The following SVOPL variants were observed in gnomAD, a reference collection of about 807,000 sequenced individuals.
SVOPL encodes SVOP like, also known as putative transporter SVOPL.
Under a neutral mutation model 61.0 loss-of-function variants are expected in SVOPL, and 60 were observed. That is an observed-to-expected ratio of 0.98 (90% confidence interval 0.80 to 1.22). SVOPL has a LOEUF of 1.22. Ranked by LOEUF, SVOPL falls within the 50% of genes most tolerant of loss-of-function variation. SVOPL has a pLI of 0.00. For missense variants in SVOPL, 662 were observed against 643.9 expected (o/e 1.03, Z -0.30); for synonymous variants, 279 against 250.0 (o/e 1.12, Z -1.09).
rs551835819 is a variant in SVOPL, at chr7:138,645,515, A to AT, written c.661-671dup. Among the ~76,000 whole-genome samples the AT allele has an allele frequency of 1.2e-3, 181 of 151,928 alleles. 1 individual carries two copies. The highest frequency in any genetic ancestry group is 4.1e-3 in the African/African-American group (168 of 41,428). On this transcript the variant is annotated intron_variant, in intron 8 of 15. Coordinates refer to ENST00000674285, the MANE Select transcript of SVOPL (RefSeq NM_001139456.2). ...CCCCTGTTGGTTATTCTGACACTTG[A>AT]TTTTCCAGCCTTTTTCCTCTTGCCT...
At chr7:138,663,526 C>T in intron 4 of SVOPL, 1 of 1,011,378 alleles carries the variant, frequency 9.9e-7, no homozygotes, top group Middle Eastern at 4.9e-4. Flanking sequence ...AAGCAGTCTC[C>T]CTTTATGTTA....
intron 1 of SVOPL, among the ~76,000 whole-genome samples, chr7:138,700,050 T>C (rs1333285225): frequency 6.6e-6 from 1 of 152,186 alleles, no homozygotes; most frequent in East Asian, 1.9e-4. Context: ...CAGGAGATTA[T>C]CAGGATTGTA....
chr7:138,653,166 G>A (rs756665796), intron 7 of SVOPL, among the ~76,000 whole-genome samples: 24 of 152,284 alleles, frequency 1.6e-4, no homozygotes, highest in Non-Finnish European at 3.1e-4. Flanking sequence ...GGGTTGGCTC[G>A]TGAGGTTTAA....
chr7:138,632,587 A>G (rs1387453496), intron 9 of SVOPL, among the ~76,000 whole-genome samples: 7 of 151,956 alleles, frequency 4.6e-5, no homozygotes, highest in Admixed American at 3.3e-4. Context: ...GGGATGGAGA[A>G]GGTGGAGGGA....
intron 9 of SVOPL, among the ~76,000 whole-genome samples, chr7:138,642,272 A>G (rs1450945209): frequency 7.1e-6 from 1 of 141,774 alleles, no homozygotes; most frequent in Non-Finnish European, 1.5e-5. Context: ...CAAAGAAAAT[A>G]AAACGGAAAT....
At position 138,644,027 on chromosome 7, in the gene SVOPL, C is replaced by A. The variant is rs1316568697; in HGVS notation, c.789+690G>T. Among the ~76,000 whole-genome samples the A allele has an allele frequency of 2.0e-5, 3 of 151,746 alleles. No homozygotes were observed. The East Asian group carries it at 5.8e-4, about 29-fold the overall frequency. ...GACCATCCTGGCCAACATGGTGAAA[C>A]CCTGTCTCTACTAAAAACACAAAAA... On this transcript the variant is annotated intron_variant, in intron 9 of 15. Transcript: ENST00000674285.
chr7:138,628,431 A>T, intron 10 of SVOPL, 68 bp from the exon 11 acceptor site: 1 of 1,514,976 alleles, frequency 6.6e-7, no homozygotes. Flanking sequence ...TGGGGAGGGG[A>T]TACCAAGTGG....
chr7:138,684,257 C>T lies in SVOPL; in HGVS notation c.-34-5178G>A, dbSNP rs185527715. Reference sequence around the variant, plus strand: ...GTGGGTGCCTGTAATCCCAGCTACTCGGGAGGCTGAGGCGGGAGAATCACT... The same window carrying T: ...GTGGGTGCCTGTAATCCCAGCTACTTGGGAGGCTGAGGCGGGAGAATCACT... On this transcript the variant is annotated intron_variant, in intron 1 of 15. Transcript: ENST00000674285. 8.0e-5 allele frequency among the ~76,000 whole-genome samples: 12 copies of T among 150,612 alleles called. No individual in the cohort carries two copies. The East Asian group carries it at 2.2e-3, about 27-fold the overall frequency.
intron 9 of SVOPL, among the ~76,000 whole-genome samples, chr7:138,640,802 T>C (rs545529001): frequency 7.9e-4 from 120 of 152,170 alleles, no homozygotes; most frequent in African/African-American, 2.6e-3. Context: ...AAACTAACTA[T>C]TGGGTACTAT....
chr7:138,650,996 C>T (rs1801405308), intron 7 of SVOPL, among the ~76,000 whole-genome samples: 1 of 150,598 alleles, frequency 6.6e-6, no homozygotes, highest in South Asian at 2.1e-4. Context: ...CCTAGACTGA[C>T]CTGTCTTCTG....
intron 14 of SVOPL, 70 bp from the exon 15 acceptor site, chr7:138,596,600 G>A (rs1798293067): frequency 1.3e-6 from 2 of 1,554,790 alleles, no homozygotes; most frequent in East Asian, 2.3e-5. Flanking sequence ...TTATGTGAAA[G>A]AGAAAATACA....
intron 7 of SVOPL, among the ~76,000 whole-genome samples, chr7:138,651,699 TG>T (rs1801442311): frequency 6.6e-6 from 1 of 152,160 alleles, no homozygotes; most frequent in South Asian, 2.1e-4. Context: ...TTTCATTGTT[TG>T]GGGGCACCGC....
Position 138,649,001 on chromosome 7 carries a change from T to G in SVOPL, c.660+11A>C. Reference sequence around the variant, plus strand: ...GGAGGGGACAGGAAGGAGCCACAAGTGCTTCCCCACCTTGAAGGCCACGAT... The same window carrying G: ...GGAGGGGACAGGAAGGAGCCACAAGGGCTTCCCCACCTTGAAGGCCACGAT... On this transcript the variant is annotated intron_variant, in intron 8 of 15. Coordinates refer to ENST00000674285, the MANE Select transcript of SVOPL (RefSeq NM_001139456.2). 6.2e-7 allele frequency: 1 copy of G among 1,613,590 alleles called. No homozygotes were observed. Among genetic ancestry groups the G allele is most frequent in the Non-Finnish European group, 8.5e-7 (1 of 1,179,808 alleles).
chr7:138,646,385 AG>A (rs1008374866), intron 8 of SVOPL: 2 of 190,964 alleles, frequency 1.0e-5, no homozygotes, highest in African/African-American at 4.7e-5. Context: ...ATGTGGCCAA[AG>A]GAACAACTCC....
chr7:138,678,410 T>C (rs903637699), intron 3 of SVOPL, 24 bp downstream of exon 3: 1 of 1,545,430 alleles, frequency 6.5e-7, no homozygotes, highest in South Asian at 1.2e-5. Context: ...ACACTTTTCG[T>C]CAACATCTCG....
intron 13 of SVOPL, among the ~76,000 whole-genome samples, chr7:138,623,960 C>G (rs1799787007): frequency 6.6e-6 from 1 of 152,106 alleles, no homozygotes. Context: ...GCTGGGATTA[C>G]AGGCACCTGC....
At chr7:138,660,902 CTT>C (rs926162295) in intron 5 of SVOPL, 10 of 985,064 alleles carry the variant, frequency 1.0e-5, no homozygotes, top group African/African-American at 7.0e-5. Context: ...GTGCAGGACT[CTT>C]TAAGGAAAAA....
At chr7:138,660,805 T>C (rs1053626531) in intron 5 of SVOPL, 10 of 977,974 alleles carry the variant, frequency 1.0e-5, no homozygotes, top group Admixed American at 6.2e-5. Context: ...TATTATATAA[T>C]AATAATGATA....
rs1798195511 is a variant in SVOPL at position 138,594,342 on chromosome 7, G to T, written c.*268C>A. 3.6e-6 allele frequency: 1 copy of T among 278,660 alleles called. No individual in the cohort carries two copies. The highest frequency in any genetic ancestry group is 6.0e-5 in the East Asian group (1 of 16,666). 17.3% of individuals were successfully genotyped at this position (278,660 alleles called of 1,614,324 possible). A position where few individuals can be genotyped will look rare whatever the true frequency, so the allele number is the denominator to read the frequency against. On this transcript the variant is annotated 3_prime_UTR_variant, in exon 16 of 16. Transcript: ENST00000674285. ...GGTTTACAGACTTGATTTCAATGAA[G>T]AAAAGCCATCTTCCCCCCCACCATC...
Sources: allele counts gnomAD v4.1 joint callset (sites outside exome capture counted in the v4.1 genomes callset), GRCh38; gene constraint gnomAD v4.1.1; transcripts MANE v1.5; gene names NCBI Gene and HGNC (gene_info 2026-07-23, HGNC 2026-07-21).